The following SRGAP3 variants were observed in gnomAD, a reference collection of about 807,000 sequenced individuals.
SRGAP3 encodes SLIT-ROBO Rho GTPase-activating protein 3.
SRGAP3 carries 39 observed loss-of-function variants against 121.1 expected under a neutral mutation model. That is an observed-to-expected ratio of 0.32 (90% CI 0.25 to 0.42). SRGAP3 has a LOEUF of 0.42. Ranked by LOEUF, SRGAP3 falls within the 10% of genes least tolerant of loss-of-function variation. SRGAP3 has a pLI of 1.00. For synonymous variants in SRGAP3, 601 were observed against 570.0 expected (o/e 1.05, Z -0.77); for missense variants, 1,213 against 1,470.6 (o/e 0.82, Z 2.86).
intron 2 of SRGAP3, among the ~76,000 whole-genome samples, chr3:9,122,142 C>G (rs1949028976): frequency 1.3e-5 from 2 of 152,136 alleles, no homozygotes; most frequent in Non-Finnish European, 2.9e-5. Context: ...AGTAAGTGCT[C>G]GGTTCGATAC....
intron 1 of SRGAP3, among the ~76,000 whole-genome samples, chr3:9,126,620 AC>A (rs1949242036): frequency 1.6e-5 from 1 of 61,372 alleles, no homozygotes; most frequent in East Asian, 6.7e-4. Context: ...TGTCTCAAAA[AC>A]TAACTAACTA....
At chr3:9,172,107 T>C (rs1951003970) in intron 1 of SRGAP3, among the ~76,000 whole-genome samples, 1 of 149,884 alleles carries the variant, frequency 6.7e-6, no homozygotes, top group Non-Finnish European at 1.5e-5. Context: ...TTTTTTTTTT[T>C]TTTTGAGACA....
At chr3:9,157,500 T>C (rs1950457438) in intron 1 of SRGAP3, among the ~76,000 whole-genome samples, 2 of 152,218 alleles carry the variant, frequency 1.3e-5, no homozygotes. Flanking sequence ...TGTTGAGTGT[T>C]CACTATACAC....
intron 3 of SRGAP3, among the ~76,000 whole-genome samples, chr3:9,304,247 C>T (rs1017051539): frequency 6.6e-6 from 1 of 152,176 alleles, no homozygotes; most frequent in African/African-American, 2.4e-5. Flanking sequence ...GGGGGTTGCC[C>T]ATAAACACTT....
chr3:9,098,896 C>T (rs577678782), intron 3 of SRGAP3, among the ~76,000 whole-genome samples: 5 of 152,266 alleles, frequency 3.3e-5, no homozygotes, highest in African/African-American at 7.2e-5. Context: ...TGACCGTTCG[C>T]GACTTCATCT....
chr3:9,176,582 G>A (rs951496432), intron 1 of SRGAP3, among the ~76,000 whole-genome samples: 7 of 152,194 alleles, frequency 4.6e-5, no homozygotes, highest in Non-Finnish European at 8.8e-5. Context: ...TATAAGAAAA[G>A]AGGTTTAATT....
chr3:9,254,271 G>C (rs1954078666), upstream of SRGAP3, among the ~76,000 whole-genome samples: 2 of 152,114 alleles, frequency 1.3e-5, no homozygotes, highest in Admixed American at 1.3e-4. Context: ...GCCATAAAGA[G>C]AAATGAAGTA....
chr3:9,191,948 C>A (rs375572815), intron 1 of SRGAP3, among the ~76,000 whole-genome samples: 1 of 152,224 alleles, frequency 6.6e-6, no homozygotes, highest in African/African-American at 2.4e-5. Flanking sequence ...TCAGGTTCCA[C>A]CATGATCGTA....
chr3:9,195,118 T>C (rs1951877994), intron 1 of SRGAP3, among the ~76,000 whole-genome samples: 1 of 152,268 alleles, frequency 6.6e-6, no homozygotes, highest in Non-Finnish European at 1.5e-5. Flanking sequence ...GGTGGAGTTG[T>C]GGAGAGATGC....
chr3:9,064,855 AAAT>A (rs940338881), intron 4 of SRGAP3, among the ~76,000 whole-genome samples: 29 of 100,442 alleles, frequency 2.9e-4, no homozygotes, highest in African/African-American at 9.1e-4. Flanking sequence ...GGAAATTAAA[AAAT>A]AATAATAAAT....
chr3:8,988,577 G>A (rs1259412447), intron 21 of SRGAP3, among the ~76,000 whole-genome samples: 2 of 152,180 alleles, frequency 1.3e-5, no homozygotes, highest in Admixed American at 6.5e-5. Flanking sequence ...GGGGCAGGTC[G>A]TGCAAAACGC....
chr3:9,306,896 A>G (rs1955169694), intron 3 of SRGAP3, among the ~76,000 whole-genome samples: 1 of 152,220 alleles, frequency 6.6e-6, no homozygotes, highest in African/African-American at 2.4e-5. Context: ...TGTTTTTCAA[A>G]TACGTTCATA....
At chr3:9,032,921 T>C (rs991958492) in intron 11 of SRGAP3, among the ~76,000 whole-genome samples, 169 bp from the exon 12 acceptor site, 1 of 152,064 alleles carries the variant, frequency 6.6e-6, no homozygotes, top group Non-Finnish European at 1.5e-5. Flanking sequence ...GGCCTTTGGA[T>C]GTTTTAGGGG....
At chr3:9,084,277 A>G (rs946139386) in intron 3 of SRGAP3, among the ~76,000 whole-genome samples, 2 of 152,180 alleles carry the variant, frequency 1.3e-5, no homozygotes. Flanking sequence ...AGAGTTCTTC[A>G]AGGGAAGCTG....
At chr3:9,031,886 T>C (rs979960990) in intron 12 of SRGAP3, among the ~76,000 whole-genome samples, 2 of 152,208 alleles carry the variant, frequency 1.3e-5, no homozygotes, top group Non-Finnish European at 2.9e-5. Flanking sequence ...AGAGTGCTTC[T>C]CCCCTTCCTC....
chr3:9,009,474 TTA>T (rs1943249570), intron 18 of SRGAP3, among the ~76,000 whole-genome samples: 1 of 152,208 alleles, frequency 6.6e-6, no homozygotes, highest in Admixed American at 6.5e-5. Context: ...TACAACTGCA[TTA>T]GTATAAAGAC....
chr3:9,244,910 C>T (rs1471882986), intron 1 of SRGAP3, among the ~76,000 whole-genome samples: 1 of 152,170 alleles, frequency 6.6e-6, no homozygotes, highest in African/African-American at 2.4e-5. Flanking sequence ...TGGAGAAACA[C>T]AGCAGACTTA....
intron 1 of SRGAP3, among the ~76,000 whole-genome samples, chr3:9,356,141 G>T (rs1466004746): frequency 6.6e-6 from 1 of 151,100 alleles, no homozygotes; most frequent in East Asian, 1.9e-4. Flanking sequence ...AACAACATGG[G>T]ATAGAGAGAT....
At chr3:8,986,013 C>T in intron 21 of SRGAP3, 81 bp from the exon 22 acceptor site, 10 of 1,592,732 alleles carry the variant, frequency 6.3e-6, no homozygotes, top group South Asian at 1.1e-5. Context: ...AGCTTCCCTT[C>T]GTAGGCAGGT....
Sources: allele counts gnomAD v4.1 joint callset (sites outside exome capture counted in the v4.1 genomes callset), GRCh38; gene constraint gnomAD v4.1.1; transcripts MANE v1.5; gene names NCBI Gene and HGNC (gene_info 2026-07-23, HGNC 2026-07-21).